The following GRIN2B variants were observed in gnomAD, a reference collection of about 807,000 sequenced individuals.
The protein encoded by GRIN2B is glutamate receptor ionotropic, NMDA 2B.
GRIN2B carries 5 observed loss-of-function variants against 114.5 expected under a neutral mutation model. The observed-to-expected ratio is 0.04, with a 90% confidence interval of 0.02 to 0.09. The LOEUF is 0.09. Ranked by LOEUF, GRIN2B falls within the 10% of genes least tolerant of loss-of-function variation. The pLI is 1.00. For synonymous variants in GRIN2B, 787 were observed against 745.1 expected, an observed-to-expected ratio of 1.06 and a Z score of -0.92; for missense variants, 1,108 against 1,943.5, an observed-to-expected ratio of 0.57 and a Z score of 8.08.
intron 5 of GRIN2B, among the ~76,000 whole-genome samples, chr12:13,639,280 C>T (rs1949690999): frequency 6.6e-6 from 1 of 152,088 alleles, no homozygotes; most frequent in Admixed American, 6.6e-5. Context: ...AGCAGCAGAC[C>T]CTAGTGCCAG....
At chr12:13,582,744 G>A (rs1948869918) in intron 10 of GRIN2B, among the ~76,000 whole-genome samples, 1 of 152,090 alleles carries the variant, frequency 6.6e-6, no homozygotes, top group African/African-American at 2.4e-5. Context: ...TTAGAAGGGT[G>A]GGGGTGGTGA....
At chr12:13,822,475 C>T (rs1234557511) in intron 3 of GRIN2B, among the ~76,000 whole-genome samples, 2 of 151,738 alleles carry the variant, frequency 1.3e-5, no homozygotes, top group Non-Finnish European at 2.9e-5. Context: ...ATGCAGTGTG[C>T]CAATGAAGAA....
rs912899336 is a variant in GRIN2B, at chr12:13,634,326, C to T, written c.1126-17669G>A. 4 of 152,256 alleles carry T rather than the reference C, an allele frequency of 2.6e-5. No individual in the cohort carries two copies. In the East Asian group the frequency reaches 7.7e-4, roughly 29 times the overall value. The allele number at this position is 152,256 out of a possible 1,614,324, so 9.4% of individuals were successfully genotyped here. On this transcript the variant is annotated intron_variant, in intron 5 of 13. Transcript: ENST00000609686. ...TGTATTAACTATGGTAGGCTAACTG[C>T]CATAACAAATAGTCTGTGAAATGTA...
chr12:13,904,131 T>C (rs776569097), intron 2 of GRIN2B, among the ~76,000 whole-genome samples: 4 of 152,030 alleles, frequency 2.6e-5, no homozygotes, highest in Non-Finnish European at 4.4e-5. Flanking sequence ...ATTTCAGCAT[T>C]TTTAGTTAGT....
chr12:13,913,132 A>G (rs1213671374), intron 2 of GRIN2B, among the ~76,000 whole-genome samples: 5 of 152,220 alleles, frequency 3.3e-5, no homozygotes, highest in African/African-American at 9.6e-5. Context: ...CCCAGAGTCC[A>G]CATGGCCTGG....
chr12:13,932,268 C>CT (rs1312275043), intron 2 of GRIN2B, among the ~76,000 whole-genome samples: 2 of 152,222 alleles, frequency 1.3e-5, no homozygotes, highest in African/African-American at 4.8e-5. Flanking sequence ...TATCAGGTAT[C>CT]TGCACAAATG....
chr12:13,568,769 CA>C (rs1335845759), intron 12 of GRIN2B, among the ~76,000 whole-genome samples: 1 of 152,174 alleles, frequency 6.6e-6, no homozygotes, highest in African/African-American at 2.4e-5. Context: ...CTAACAGAAA[CA>C]GTAGTTTCTT....
At chr12:13,761,995 A>G (rs1049528178) in intron 3 of GRIN2B, among the ~76,000 whole-genome samples, 1 of 152,092 alleles carries the variant, frequency 6.6e-6, no homozygotes, top group Admixed American at 6.5e-5. Flanking sequence ...TAATAACCAA[A>G]GGGAAGATGA....
chr12:13,709,677 T>A (rs1263577172), intron 4 of GRIN2B, among the ~76,000 whole-genome samples: 1 of 152,104 alleles, frequency 6.6e-6, no homozygotes, highest in Non-Finnish European at 1.5e-5. Flanking sequence ...TCACTACCTC[T>A]GAGCTTCTAA....
At chr12:13,632,397 T>G (rs914174801) in intron 5 of GRIN2B, among the ~76,000 whole-genome samples, 3 of 152,238 alleles carry the variant, frequency 2.0e-5, no homozygotes, top group Non-Finnish European at 4.4e-5. Context: ...GGAGAATAGA[T>G]AATATGCAGC....
At position 13,759,059 on chromosome 12, in the gene GRIN2B, G is replaced by A. The variant is rs191447121; in HGVS notation, c.412-5144C>T. The stretch of plus-strand genomic sequence containing the variant: ...AGTCTCACTCTGTTGCCAGGCTGGA[G>A]GGCAGTGGCATGATCTTGGCTCACT... On this transcript the variant is annotated intron_variant, in intron 3 of 13. Transcript: ENST00000609686. 2.1e-3 allele frequency among the ~76,000 whole-genome samples: 307 copies of A among 144,628 alleles called. 1 individual carries two copies. The highest frequency in any genetic ancestry group is 3.4e-3 in the Non-Finnish European group (228 of 67,056). The allele number at this position is 144,628 out of a possible 152,430, so 94.9% of individuals were successfully genotyped here.
intron 3 of GRIN2B, among the ~76,000 whole-genome samples, chr12:13,856,473 G>T (rs1170286882): frequency 6.6e-6 from 1 of 152,118 alleles, no homozygotes; most frequent in Non-Finnish European, 1.5e-5. Flanking sequence ...TCACTGCAGC[G>T]TGTATGGAGT....
intron 2 of GRIN2B, among the ~76,000 whole-genome samples, chr12:13,974,034 C>T (rs950384785): frequency 6.6e-6 from 1 of 152,112 alleles, no homozygotes; most frequent in Non-Finnish European, 1.5e-5. Context: ...TTGTGAATCC[C>T]CTAGGAATAA....
intron 4 of GRIN2B, among the ~76,000 whole-genome samples, chr12:13,731,556 G>T (rs1863086830): frequency 6.6e-6 from 1 of 152,098 alleles, no homozygotes; most frequent in Non-Finnish European, 1.5e-5. Flanking sequence ...AGCCGAGATT[G>T]CACCACTGCA....
In GRIN2B at chr12:13,854,796, C is replaced by T. The variant is rs571812914; in HGVS notation, c.411+11002G>A. 9.9e-5 allele frequency among the ~76,000 whole-genome samples: 15 copies of T among 152,238 alleles called. No homozygotes were observed. In the South Asian group the frequency reaches 3.1e-3, roughly 32 times the overall value. On this transcript the variant is annotated intron_variant, in intron 3 of 13. Coordinates refer to ENST00000609686, the MANE Select transcript of GRIN2B (RefSeq NM_000834.5). Reference sequence around the variant, plus strand: ...TGTTGATGGTTTGTGTTTCTGTTTACTTCATTCATTTATTCAATGGAGACT... The same window carrying T: ...TGTTGATGGTTTGTGTTTCTGTTTATTTCATTCATTTATTCAATGGAGACT...
chr12:13,626,744 T>C (rs77751370), intron 5 of GRIN2B, among the ~76,000 whole-genome samples: 10,810 of 151,388 alleles, frequency 0.071, 552 homozygotes, highest in South Asian at 0.12. Context: ...AACCCTGTGT[T>C]GTAGATGGCT....
chr12:13,586,422 T>C (rs1429117616), intron 10 of GRIN2B, among the ~76,000 whole-genome samples: 1 of 152,174 alleles, frequency 6.6e-6, no homozygotes, highest in Non-Finnish European at 1.5e-5. Flanking sequence ...GAAGCGATAT[T>C]TTCCTATGAA....
intron 2 of GRIN2B, among the ~76,000 whole-genome samples, chr12:13,920,860 A>G (rs1866810852): frequency 6.6e-6 from 1 of 152,100 alleles, no homozygotes; most frequent in Non-Finnish European, 1.5e-5. Context: ...AATTCCCTGT[A>G]TTAAATTTCC....
chr12:13,763,828 G>C (rs1230544128), intron 3 of GRIN2B, among the ~76,000 whole-genome samples: 1 of 152,140 alleles, frequency 6.6e-6, no homozygotes, highest in Non-Finnish European at 1.5e-5. Context: ...TGTTTGATTG[G>C]TTGCATCCAA....
Sources: allele counts gnomAD v4.1 joint callset (sites outside exome capture counted in the v4.1 genomes callset), GRCh38; gene constraint gnomAD v4.1.1; transcripts MANE v1.5; gene names NCBI Gene and HGNC (gene_info 2026-07-23, HGNC 2026-07-21).